The following RNLS variants were observed in gnomAD, a reference collection of about 807,000 sequenced individuals.
RNLS encodes the protein renalase, FAD dependent amine oxidase.
In RNLS, 39 loss-of-function variants were observed where a neutral mutation model predicts 39.8. The ratio of observed to expected loss-of-function variants is 0.98; its 90% confidence interval spans 0.76 to 1.28. The LOEUF (loss-of-function observed/expected upper bound fraction) is 1.28. Ranked by LOEUF, RNLS falls within the 50% of genes most tolerant of loss-of-function variation. The pLI, the probability that RNLS is intolerant of heterozygous loss-of-function variation, is 0.00. For missense variants in RNLS, 410 were observed against 413.3 expected, an observed-to-expected ratio of 0.99 and a Z score of 0.07; for synonymous variants, 147 against 150.7, an observed-to-expected ratio of 0.98 and a Z score of 0.18.
chr10:88,333,503 AT>A (rs758644906), intron 5 of RNLS, among the ~76,000 whole-genome samples: 3 of 152,146 alleles, frequency 2.0e-5, no homozygotes, highest in Admixed American at 6.5e-5. Context: ...CATAGCTATC[AT>A]TTATATCTTG....
chr10:88,254,357 A>G, the RNLS span, among the ~76,000 whole-genome samples: 1 of 152,202 alleles, frequency 6.6e-6, no homozygotes, highest in Non-Finnish European at 1.5e-5. Context: ...CAAACTATGA[A>G]ATTAAGGCCA....
chr10:88,341,105 G>A (rs373416716), intron 5 of RNLS, among the ~76,000 whole-genome samples: 13 of 149,112 alleles, frequency 8.7e-5, no homozygotes, highest in East Asian at 3.9e-4. Flanking sequence ...CTAGGCGGGC[G>A]GATCACCTGA....
chr10:88,566,516 A>G (rs1053493772), intron 4 of RNLS, among the ~76,000 whole-genome samples: 2 of 152,186 alleles, frequency 1.3e-5, no homozygotes, highest in Non-Finnish European at 2.9e-5. Flanking sequence ...TGAAAAATAC[A>G]TATCAGAAAA....
intron 6 of RNLS, among the ~76,000 whole-genome samples, chr10:88,310,930 C>G (rs1438943101): frequency 6.7e-6 from 1 of 150,374 alleles, no homozygotes; most frequent in Non-Finnish European, 1.5e-5. Context: ...TTGTACTGTA[C>G]AAGCTTACTA....
At chr10:88,196,636 G>C in the RNLS span, among the ~76,000 whole-genome samples, 1 of 152,254 alleles carries the variant, frequency 6.6e-6, no homozygotes, top group South Asian at 2.1e-4. Flanking sequence ...TTGAAGCCTA[G>C]AGGAATACAT....
chr10:88,379,718 C>A (rs1398926556), intron 4 of RNLS, among the ~76,000 whole-genome samples: 2 of 152,204 alleles, frequency 1.3e-5, no homozygotes, highest in African/African-American at 4.8e-5. Flanking sequence ...TAAGGCAGAA[C>A]TGACACTCAG....
intron 5 of RNLS, among the ~76,000 whole-genome samples, chr10:88,348,178 G>A (rs1024017452): frequency 2.6e-5 from 4 of 152,098 alleles, no homozygotes; most frequent in African/African-American, 9.7e-5. Context: ...TCCTTTCTCA[G>A]TTGGCAGCAG....
intron 4 of RNLS, among the ~76,000 whole-genome samples, chr10:88,402,860 C>G (rs948524917): frequency 6.6e-6 from 1 of 151,990 alleles, no homozygotes; most frequent in African/African-American, 2.4e-5. Context: ...GTGGAATGTT[C>G]TTTAGAAACA....
chr10:88,310,824 A>AAAAAAAAAAAAAAGAAAAAG (rs1217903555), intron 6 of RNLS, among the ~76,000 whole-genome samples: 1 of 113,410 alleles, frequency 8.8e-6, no homozygotes, highest in Admixed American at 9.8e-5. Context: ...AAAAAAAAAA[A>AAAAAAAAAAAAAAGAAAAAG]AAAGAAAGAA....
chr10:88,219,539 A>T, the RNLS span, among the ~76,000 whole-genome samples: 1 of 151,988 alleles, frequency 6.6e-6, no homozygotes. Flanking sequence ...ACCTAATTGT[A>T]CTTCCCGGTT....
At chr10:88,485,093 G>T (rs1343099601) in intron 4 of RNLS, among the ~76,000 whole-genome samples, 2 of 151,924 alleles carry the variant, frequency 1.3e-5, no homozygotes, top group Non-Finnish European at 2.9e-5. Context: ...ATCCCAGCAG[G>T]TTTCTTTGTA....
At chr10:88,272,838 C>T (rs1352931096), downstream of RNLS, among the ~76,000 whole-genome samples, 1 of 152,120 alleles carries the variant, frequency 6.6e-6, no homozygotes, top group Non-Finnish European at 1.5e-5. Flanking sequence ...CCTTGAAAGT[C>T]TCTAATCTAG....
At chr10:88,259,079 T>C in the RNLS span, 2 of 152,242 alleles carry the variant, frequency 1.3e-5, no homozygotes, top group African/African-American at 4.8e-5. Context: ...CACTGGTTAC[T>C]TTCTACTTAT....
chr10:88,422,594 C>T (rs1319673241), intron 4 of RNLS, among the ~76,000 whole-genome samples: 1 of 152,130 alleles, frequency 6.6e-6, no homozygotes. Context: ...AACCTCAGAA[C>T]CTTTGGTTCA....
chr10:88,516,523 T>C (rs534543357), intron 4 of RNLS, among the ~76,000 whole-genome samples: 16 of 152,122 alleles, frequency 1.1e-4, no homozygotes, highest in Middle Eastern at 3.4e-3. Flanking sequence ...TTAGTCTGAT[T>C]ATAATAAGCC....
At chr10:88,192,307 T>C in the RNLS span, among the ~76,000 whole-genome samples, 1 of 152,160 alleles carries the variant, frequency 6.6e-6, no homozygotes, top group Non-Finnish European at 1.5e-5. Flanking sequence ...GAATTAATAT[T>C]ATGTAAATTA....
chr10:88,499,435 T>C (rs1227605812), intron 4 of RNLS, among the ~76,000 whole-genome samples: 1 of 152,152 alleles, frequency 6.6e-6, no homozygotes, highest in African/African-American at 2.4e-5. Context: ...CCAAACAACC[T>C]GCCCCAGATT....
At chr10:88,403,781 T>G (rs140558543) in intron 4 of RNLS, among the ~76,000 whole-genome samples, 2 of 152,024 alleles carry the variant, frequency 1.3e-5, no homozygotes, top group African/African-American at 4.8e-5. Context: ...TCACCTGTAA[T>G]CCAGGTGCTT....
At chr10:88,261,366 C>T in the RNLS span, among the ~76,000 whole-genome samples, 1 of 152,202 alleles carries the variant, frequency 6.6e-6, no homozygotes, top group African/African-American at 2.4e-5. Flanking sequence ...GTAACAAACA[C>T]CAGTTATCAG....
Sources: allele counts gnomAD v4.1 joint callset (sites outside exome capture counted in the v4.1 genomes callset), GRCh38; gene constraint gnomAD v4.1.1; transcripts MANE v1.5; gene names NCBI Gene and HGNC (gene_info 2026-07-23, HGNC 2026-07-21).